ROBO2: variants seen among roughly 807,000 people sequenced by gnomAD.
ROBO2 encodes the protein roundabout guidance receptor 2, also known as roundabout homolog 2.
A neutral mutation model predicts 160.8 loss-of-function variants in ROBO2; 53 were observed. The observed-to-expected ratio is 0.33, with a 90% CI of 0.26 to 0.41. ROBO2 has a LOEUF of 0.41. Among genes scored for constraint, ROBO2 ranks in the 10% least tolerant of loss-of-function variants. The pLI is 1.00. For synonymous variants in ROBO2, 664 were observed against 611.7 expected, an observed-to-expected ratio of 1.09 and a Z score of -1.26; for missense variants, 1,577 against 1,722.4, an observed-to-expected ratio of 0.92 and a Z score of 1.49.
intron 2 of ROBO2, among the ~76,000 whole-genome samples, chr3:76,646,915 C>T (rs930336411): frequency 3.9e-5 from 6 of 152,108 alleles, no homozygotes; most frequent in African/African-American, 1.4e-4. Flanking sequence ...ACTAGCAATT[C>T]AGTAAGTCAT....
At chr3:76,334,157 T>G (rs1001025872) in intron 2 of ROBO2, among the ~76,000 whole-genome samples, 6 of 152,118 alleles carry the variant, frequency 3.9e-5, no homozygotes, top group African/African-American at 1.2e-4. Flanking sequence ...AATATATATA[T>G]ATACATATAA....
At chr3:76,940,130 C>T (rs1397065805) in intron 2 of ROBO2, among the ~76,000 whole-genome samples, 2 of 151,890 alleles carry the variant, frequency 1.3e-5, no homozygotes, top group Non-Finnish European at 1.5e-5. Flanking sequence ...TACAGGCGCC[C>T]GCCACCACGC....
intron 2 of ROBO2, among the ~76,000 whole-genome samples, chr3:76,196,509 AG>A (rs1291656601): frequency 3.9e-5 from 6 of 152,084 alleles, no homozygotes; most frequent in Non-Finnish European, 8.8e-5. Context: ...CACATCTCAA[AG>A]GGTTAGTCTA....
intron 2 of ROBO2, among the ~76,000 whole-genome samples, chr3:77,265,550 T>C (rs1343891510): frequency 6.6e-6 from 1 of 152,204 alleles, no homozygotes; most frequent in Non-Finnish European, 1.5e-5. Context: ...CCATTTCCAT[T>C]ATTCTAAGTC....
At chr3:77,369,686 C>T (rs1395155162) in intron 2 of ROBO2, among the ~76,000 whole-genome samples, 5 of 152,166 alleles carry the variant, frequency 3.3e-5, no homozygotes, top group Non-Finnish European at 7.3e-5. Flanking sequence ...TGATTCCCTG[C>T]AAGAGGATAC....
At chr3:76,283,147 TATATAAAACTAC>T (rs1322561328) in intron 2 of ROBO2, among the ~76,000 whole-genome samples, 3 of 135,658 alleles carry the variant, frequency 2.2e-5, no homozygotes, top group African/African-American at 7.8e-5. Flanking sequence ...TATATATATA[TATATAAAACTAC>T]ATATATATAG....
In ROBO2 at chr3:77,296,422, A is replaced by T. The variant is rs560605372; in HGVS notation, c.389-180992A>T. Among the ~76,000 whole-genome samples, 7 of 152,308 alleles carry T rather than the reference A, an allele frequency of 4.6e-5. No individual in the cohort carries two copies. The East Asian group carries it at 7.7e-4, about 17-fold the overall frequency. ...AGACATAAAGTAAAATTGACGGCTA[A>T]ACCGTCAAACTGAGGCTAGGGCACG... On this transcript the variant is annotated intron_variant, in intron 2 of 25. Coordinates refer to ENST00000461745, the Ensembl canonical transcript of ROBO2.
At chr3:76,799,805 A>G (rs886950424) in intron 2 of ROBO2, among the ~76,000 whole-genome samples, 3 of 152,210 alleles carry the variant, frequency 2.0e-5, no homozygotes, top group African/African-American at 2.4e-5. Context: ...AAAACAATCT[A>G]TAGATTCAAT....
intron 2 of ROBO2, among the ~76,000 whole-genome samples, chr3:76,476,521 A>C (rs2078939187): frequency 6.6e-6 from 1 of 152,140 alleles, no homozygotes; most frequent in Admixed American, 6.5e-5. Flanking sequence ...TACTTGCTGG[A>C]CAGATTATTG....
intron 2 of ROBO2, among the ~76,000 whole-genome samples, chr3:76,124,779 G>T (rs993777491): frequency 1.3e-5 from 2 of 152,038 alleles, no homozygotes; most frequent in Admixed American, 6.6e-5. Context: ...GATCTGAAGA[G>T]GAATTTTTGA....
intron 2 of ROBO2, among the ~76,000 whole-genome samples, chr3:77,141,342 C>T (rs960317413): frequency 6.6e-6 from 1 of 151,596 alleles, no homozygotes; most frequent in Non-Finnish European, 1.5e-5. Context: ...AGCCATTATC[C>T]TTGGACGTAT....
chr3:76,145,042 G>A (rs1438147016), intron 2 of ROBO2, among the ~76,000 whole-genome samples: 1 of 151,648 alleles, frequency 6.6e-6, no homozygotes, highest in East Asian at 1.9e-4. Flanking sequence ...TAAAATCAAA[G>A]CAGTCATGCA....
At chr3:76,968,729 T>C (rs552258358) in intron 2 of ROBO2, among the ~76,000 whole-genome samples, 31 of 152,178 alleles carry the variant, frequency 2.0e-4, no homozygotes, top group Non-Finnish European at 3.7e-4. Flanking sequence ...GTTTGTATTG[T>C]TTGCCAGAAA....
chr3:76,114,030 A>G (rs1442639298), intron 2 of ROBO2, among the ~76,000 whole-genome samples: 1 of 152,210 alleles, frequency 6.6e-6, no homozygotes, highest in Non-Finnish European at 1.5e-5. Flanking sequence ...AGATGCTGGT[A>G]CCATGCTGGT....
chr3:77,125,156 T>A (rs1211787547), intron 2 of ROBO2, among the ~76,000 whole-genome samples: 3 of 152,172 alleles, frequency 2.0e-5, no homozygotes, highest in Admixed American at 6.5e-5. Flanking sequence ...CTATGAAACC[T>A]GGAACTATAA....
chr3:77,225,137 C>T (rs767511066), intron 2 of ROBO2, among the ~76,000 whole-genome samples: 1 of 151,824 alleles, frequency 6.6e-6, no homozygotes, highest in Non-Finnish European at 1.5e-5. Context: ...CTGTGAAGTA[C>T]ATTAAAGCAT....
At chr3:76,463,373 G>GA (rs1254194895) in intron 2 of ROBO2, among the ~76,000 whole-genome samples, 44 of 98,966 alleles carry the variant, frequency 4.4e-4, no homozygotes, top group East Asian at 3.6e-3. Context: ...AAGTGTTTGG[G>GA]AAAAAAAAAC....
chr3:75,984,930 G>T (rs958665113), intron 2 of ROBO2, among the ~76,000 whole-genome samples: 2 of 151,258 alleles, frequency 1.3e-5, no homozygotes, highest in Admixed American at 6.6e-5. Flanking sequence ...GGAACATAAG[G>T]GTAATACTCT....
At chr3:76,962,857 A>G (rs2079775582) in intron 2 of ROBO2, among the ~76,000 whole-genome samples, 1 of 152,108 alleles carries the variant, frequency 6.6e-6, no homozygotes, top group East Asian at 1.9e-4. Flanking sequence ...CTCTAGTCCT[A>G]TTGCTGTCCA....
Sources: gnomAD v4.1 joint callset for allele counts (sites outside exome capture counted in the v4.1 genomes callset) on GRCh38, gnomAD v4.1.1 for gene constraint, MANE v1.5 for transcripts, NCBI Gene and HGNC (gene_info 2026-07-23, HGNC 2026-07-21) for gene names.